CCDC69: variants seen among roughly 807,000 people sequenced by gnomAD.
The protein encoded by CCDC69 is coiled-coil domain containing 69, also known as coiled-coil domain-containing protein 69.
In CCDC69, 38 loss-of-function variants were observed where a neutral mutation model predicts 40.3. The ratio of observed to expected loss-of-function variants is 0.94; its 90% confidence interval spans 0.73 to 1.24. The LOEUF is 1.24. Among genes scored for constraint, CCDC69 ranks in the 50% most tolerant of loss-of-function variants. The pLI, the probability that CCDC69 is intolerant of heterozygous loss-of-function variation, is 0.00. For synonymous variants in CCDC69, 141 were observed against 138.9 expected (o/e 1.02, Z -0.11); for missense variants, 389 against 357.9 (o/e 1.09, Z -0.70).
At chr5:151,193,701 TCA>T (rs1472292019) in intron 4 of CCDC69, among the ~76,000 whole-genome samples, 6 of 152,058 alleles carry the variant, frequency 3.9e-5, no homozygotes, top group Non-Finnish European at 8.8e-5. Context: ...AGCAAAGAGT[TCA>T]CAGACATGAC....
chr5:151,222,796 A>G (rs1452026080), intron 1 of CCDC69, among the ~76,000 whole-genome samples: 2 of 152,186 alleles, frequency 1.3e-5, no homozygotes, highest in African/African-American at 4.8e-5. Context: ...GGAGTTGGTG[A>G]GAATTTCAAT....
chr5:151,213,062 G>T (rs557133041), intron 1 of CCDC69, among the ~76,000 whole-genome samples: 1 of 152,190 alleles, frequency 6.6e-6, no homozygotes, highest in African/African-American at 2.4e-5. Context: ...CTGATGTTCG[G>T]CAAGTGAAAG....
rs1241682498 is a variant in CCDC69, at chr5:151,193,529, G to C, written c.319+5468C>G. 2.0e-5 allele frequency among the ~76,000 whole-genome samples: 3 copies of C among 148,760 alleles called. No individual in the cohort carries two copies. In the South Asian group the frequency reaches 6.4e-4, roughly 32 times the overall value. ...ACATCCTGTTGGAAAGAAAAGAAAA[G>C]AAAAAAGAAGACAGGAGAGGAGAGG... On this transcript the variant is annotated intron_variant, in intron 4 of 8. Transcript: ENST00000355417.
intron 3 of CCDC69, among the ~76,000 whole-genome samples, chr5:151,199,859 T>C (rs1000083459): frequency 7.0e-4 from 106 of 152,198 alleles, no homozygotes; most frequent in African/African-American, 2.2e-3. Flanking sequence ...TGCATACAGT[T>C]AACTTACCTT....
At chr5:151,216,736 C>G (rs1049532338) in intron 1 of CCDC69, among the ~76,000 whole-genome samples, 1 of 152,052 alleles carries the variant, frequency 6.6e-6, no homozygotes, top group African/African-American at 2.4e-5. Context: ...ATTTTTAAAG[C>G]AACAACGCAT....
Position 151,223,912 on chromosome 5 carries a change from G to C in CCDC69, c.48+11C>G, listed in dbSNP as rs201502568. On this transcript the variant is annotated intron_variant, in intron 1 of 8. Transcript: ENST00000355417. The stretch of plus-strand genomic sequence containing the variant: ...CCTCTGAAAGCAAACTTCTCCGCCG[G>C]CGCCCTTTACCTTTTTCGGGGGTTT... 3 of 1,588,368 alleles carry C rather than the reference G, an allele frequency of 1.9e-6. No individual in the cohort carries two copies. The highest frequency in any genetic ancestry group is 2.6e-6 in the Non-Finnish European group (3 of 1,169,120).
intron 3 of CCDC69, among the ~76,000 whole-genome samples, chr5:151,200,933 G>A (rs1330111116): frequency 6.6e-6 from 1 of 152,166 alleles, no homozygotes; most frequent in African/African-American, 2.4e-5. Context: ...AAGTATTTCT[G>A]TGTAATTGTG....
At chr5:151,195,680 C>G (rs368544450) in intron 4 of CCDC69, among the ~76,000 whole-genome samples, 1 of 136,936 alleles carries the variant, frequency 7.3e-6, no homozygotes, top group African/African-American at 2.8e-5. Flanking sequence ...GATCATGCCA[C>G]TGCACTCCAG....
At chr5:151,183,678 TC>T in intron 8 of CCDC69, 64 bp from the exon 9 acceptor site, 2 of 1,453,988 alleles carry the variant, frequency 1.4e-6, no homozygotes, top group Non-Finnish European at 1.9e-6. Flanking sequence ...ACCAACCCAT[TC>T]CCCCAGGAAG....
At chr5:151,187,782 G>A (rs1048778160) in intron 4 of CCDC69, among the ~76,000 whole-genome samples, 4 of 152,140 alleles carry the variant, frequency 2.6e-5, no homozygotes, top group African/African-American at 9.7e-5. Flanking sequence ...AGACCACCTC[G>A]GGCCACGGAA....
At chr5:151,214,420 C>A (rs956439907) in intron 1 of CCDC69, among the ~76,000 whole-genome samples, 2 of 152,080 alleles carry the variant, frequency 1.3e-5, no homozygotes, top group African/African-American at 2.4e-5. Flanking sequence ...GTGTTCACAC[C>A]CGAATTACAG....
In CCDC69 at chr5:151,185,523, G is replaced by T. The variant is rs1752495199; in HGVS notation, c.514C>A (p.Gln172Lys). 3 of 1,613,922 alleles carry T rather than the reference G, an allele frequency of 1.9e-6. No individual in the cohort carries two copies. The highest frequency in any genetic ancestry group is 1.1e-5 in the South Asian group (1 of 91,080). Reference protein sequence around the residue: ...KHIQDYGSPSQFWEQELESLH... With the variant: ...KHIQDYGSPSKFWEQELESLH... ...CTCTCCAGCTCCTGCTCCCAGAACT[G>T]GCTGGGGCTCCCATAATCCTAGACA... is the stretch of plus-strand genomic sequence containing the variant. Residue 172 changes from glutamine to lysine, a missense_variant, in exon 7 of 9, where the codon CAG (glutamine) becomes AAG (lysine). Physicochemically the swap from Gln to Lys is moderately conservative, Grantham distance 53. Coordinates refer to ENST00000355417, the MANE Select transcript of CCDC69 (RefSeq NM_015621.3).
intron 1 of CCDC69, among the ~76,000 whole-genome samples, chr5:151,216,406 ATTTTTTTTT>A (rs1262419326): frequency 2.6e-5 from 3 of 116,308 alleles, no homozygotes; most frequent in African/African-American, 6.9e-5. Context: ...AATTATTAGG[ATTTTTTTTT>A]TTTTTTTTTT....
chr5:151,209,280 T>A (rs1220482601), intron 1 of CCDC69, among the ~76,000 whole-genome samples: 2 of 152,244 alleles, frequency 1.3e-5, no homozygotes, highest in African/African-American at 4.8e-5. Flanking sequence ...TTCACAAACA[T>A]GGCAAGAACA....
chr5:151,220,161 T>G (rs756092318), intron 1 of CCDC69, among the ~76,000 whole-genome samples: 23 of 152,292 alleles, frequency 1.5e-4, no homozygotes, highest in Admixed American at 6.5e-4. Context: ...CGGGGTACTT[T>G]CCTTGGGTAC....
At chr5:151,190,992 A>G (rs1752604180) in intron 4 of CCDC69, among the ~76,000 whole-genome samples, 1 of 152,132 alleles carries the variant, frequency 6.6e-6, no homozygotes, top group African/African-American at 2.4e-5. Flanking sequence ...GGGTTTTTAA[A>G]AACCCACCTG....
In CCDC69 at chr5:151,186,093, T is replaced by A. The variant is rs1295006171; in HGVS notation, c.425A>T (p.Glu142Val). ...ETIDRLTSQL[E>V]AFQAKMKRVE... The stretch of plus-strand genomic sequence containing the variant: ...CCTCTTCATTTTGGCCTGGAAAGCC[T>A]CCAGCTGTGAGGTCAGTCTGTCTAT... Residue 142 changes from glutamate (E) to valine (V), a missense_variant, in exon 6 of 9, where the codon GAG (glutamate) becomes GTG (valine). Coordinates refer to ENST00000355417, the MANE Select transcript of CCDC69 (RefSeq NM_015621.3). 1 of 1,613,832 alleles carries A rather than the reference T, an allele frequency of 6.2e-7. No homozygotes were observed. The highest frequency in any genetic ancestry group is 1.3e-5 in the African/African-American group (1 of 74,894).
At chr5:151,204,107 A>G (rs1415976495) in intron 2 of CCDC69, among the ~76,000 whole-genome samples, 2 of 151,730 alleles carry the variant, frequency 1.3e-5, no homozygotes, top group African/African-American at 4.8e-5. Context: ...ACAGCTCACC[A>G]CAGCCTCAAC....
chr5:151,222,733 C>T (rs534655671), intron 1 of CCDC69, among the ~76,000 whole-genome samples: 1 of 152,296 alleles, frequency 6.6e-6, no homozygotes, highest in African/African-American at 2.4e-5. Flanking sequence ...CTGATAGAGC[C>T]AAGCCTCAGT....
Sources: allele counts gnomAD v4.1 joint callset (sites outside exome capture counted in the v4.1 genomes callset), GRCh38; gene constraint gnomAD v4.1.1; transcripts MANE v1.5; gene names NCBI Gene and HGNC (gene_info 2026-07-23, HGNC 2026-07-21).